PYY: variants seen among roughly 807,000 people sequenced by gnomAD.
PYY encodes peptide YY.
PYY carries 12 observed loss-of-function variants against 10.3 expected under a neutral mutation model. The observed-to-expected ratio is 1.17, with a 90% CI of 0.75 to 1.89. The LOEUF is 1.89. Ranked by LOEUF, PYY falls within the 40% of genes most tolerant of loss-of-function variation. The pLI, the probability that PYY is intolerant of heterozygous loss-of-function variation, is 0.00. For missense variants in PYY, 141 were observed against 134.0 expected (o/e 1.05, Z -0.26); for synonymous variants, 66 against 62.0 (o/e 1.06, Z -0.30).
chr17:43,962,872 T>G (rs998848866), intron 2 of PYY, among the ~76,000 whole-genome samples: 10 of 152,170 alleles, frequency 6.6e-5, no homozygotes, highest in African/African-American at 2.4e-4. Context: ...GAGAAGTTCT[T>G]GTCCCCTGAG....
At chr17:43,975,040 G>A (rs181287489) in intron 1 of PYY, among the ~76,000 whole-genome samples, 14 of 152,172 alleles carry the variant, frequency 9.2e-5, no homozygotes, top group East Asian at 3.9e-4. Flanking sequence ...TCTTCCAGCC[G>A]TTGAGCCATT....
chr17:43,985,538 C>T (rs2048910802), intron 1 of PYY, among the ~76,000 whole-genome samples: 1 of 152,206 alleles, frequency 6.6e-6, no homozygotes, highest in Admixed American at 6.5e-5. Flanking sequence ...GGCAAGTTCC[C>T]TCACAACACA....
At chr17:43,990,140 T>C (rs1008927740) in intron 1 of PYY, among the ~76,000 whole-genome samples, 1 of 151,294 alleles carries the variant, frequency 6.6e-6, no homozygotes, top group Non-Finnish European at 1.5e-5. Context: ...CACAACTCTT[T>C]GAAAAGCAGC....
At chr17:43,992,815 T>C (rs1453195410) in intron 1 of PYY, among the ~76,000 whole-genome samples, 3 of 152,096 alleles carry the variant, frequency 2.0e-5, no homozygotes, top group African/African-American at 7.2e-5. Flanking sequence ...GATGGCCATG[T>C]GACCACAGAA....
chr17:43,961,220 C>T (rs1364932177), intron 2 of PYY, among the ~76,000 whole-genome samples: 1 of 150,238 alleles, frequency 6.7e-6, no homozygotes, highest in African/African-American at 2.5e-5. Flanking sequence ...AGCAAAACCC[C>T]ATCTCAAAAA....
At chr17:43,965,109 G>A (rs2048745161) in intron 2 of PYY, among the ~76,000 whole-genome samples, 1 of 152,036 alleles carries the variant, frequency 6.6e-6, no homozygotes, top group South Asian at 2.1e-4. Context: ...TTAGCATCCA[G>A]ACTAGTCTTT....
chr17:43,955,349 C>T (rs1388131908), upstream of PYY, among the ~76,000 whole-genome samples: 1 of 152,252 alleles, frequency 6.6e-6, no homozygotes, highest in African/African-American at 2.4e-5. Flanking sequence ...CTGAGCCAGC[C>T]CCTCCAGCCC....
At chr17:43,980,573 C>T (rs999251223) in intron 1 of PYY, among the ~76,000 whole-genome samples, 1 of 151,814 alleles carries the variant, frequency 6.6e-6, no homozygotes, top group African/African-American at 2.4e-5. Context: ...CTCCTGCGTT[C>T]AAGCAATTCT....
chr17:43,981,713 C>T (rs552201049), intron 1 of PYY, among the ~76,000 whole-genome samples: 1 of 152,260 alleles, frequency 6.6e-6, no homozygotes, highest in African/African-American at 2.4e-5. Context: ...TGGTCTCGAA[C>T]TCCTGACCTC....
intron 2 of PYY, among the ~76,000 whole-genome samples, chr17:43,962,029 A>C (rs552548433): frequency 6.6e-6 from 1 of 152,300 alleles, no homozygotes; most frequent in Admixed American, 6.5e-5. Flanking sequence ...GTCTTAGGAA[A>C]GAGACCATAA....
rs574457942 is a variant in PYY at position 43,976,604 on chromosome 17, T to G, written c.-462-10072A>C. Reference sequence around the variant, plus strand: ...CTGGCCAACATGGTGAAACCCCATCTCTACTAAAAATACAAAAATTAGCTG... The same window carrying G: ...CTGGCCAACATGGTGAAACCCCATCGCTACTAAAAATACAAAAATTAGCTG... On this transcript the variant is annotated intron_variant, in intron 1 of 6. Transcript: ENST00000360085. Among the ~76,000 whole-genome samples the G allele has an allele frequency of 8.5e-5, 13 of 152,102 alleles. No individual in the cohort carries two copies. In the South Asian group the frequency reaches 1.0e-3, roughly 12 times the overall value.
At chr17:43,998,101 G>T (rs1286052423) in intron 1 of PYY, among the ~76,000 whole-genome samples, 1 of 152,044 alleles carries the variant, frequency 6.6e-6, no homozygotes, top group Middle Eastern at 3.2e-3. Flanking sequence ...ACCACATCTG[G>T]CTAATTTTTG....
intron 1 of PYY, among the ~76,000 whole-genome samples, chr17:43,992,355 TGGATCACTTAA>T (rs2048962941): frequency 6.6e-6 from 1 of 151,834 alleles, no homozygotes; most frequent in Non-Finnish European, 1.5e-5. Context: ...CCGAGGCAGA[TGGATCACTTAA>T]GGTCAGGAGC....
At chr17:43,953,221 A>T (rs538987586) in intron 2 of PYY, 32 bp from the exon 3 acceptor site, 1 of 1,609,878 alleles carries the variant, frequency 6.2e-7, no homozygotes, top group South Asian at 1.1e-5. Flanking sequence ...GCGTGGTCAG[A>T]TCTGGCCACG....
intron 1 of PYY, among the ~76,000 whole-genome samples, chr17:43,998,220 T>C (rs945759077): frequency 6.7e-6 from 1 of 149,798 alleles, no homozygotes; most frequent in Admixed American, 6.8e-5. Flanking sequence ...ATTACAGGCA[T>C]GAGGCACCAT....
intron 1 of PYY, among the ~76,000 whole-genome samples, chr17:44,002,249 G>A (rs1316021478): frequency 3.3e-5 from 5 of 152,176 alleles, no homozygotes; most frequent in Admixed American, 3.3e-4. Flanking sequence ...TCCCAGAAAC[G>A]GGTAAGCGCA....
At chr17:43,983,051 G>A (rs1040349180) in intron 1 of PYY, among the ~76,000 whole-genome samples, 9 of 152,054 alleles carry the variant, frequency 5.9e-5, no homozygotes, top group African/African-American at 2.2e-4. Context: ...GGCCAACATG[G>A]TGAAACCCCG....
chr17:44,003,511 C>T lies in PYY; in HGVS notation c.-463+880G>A, dbSNP rs1270125865. On this transcript the variant is annotated intron_variant, in intron 1 of 6. Transcript: ENST00000360085. Reference sequence around the variant, plus strand: ...CTCTACTAAAAATACAAAGATTAGCCGGGTGTGATGGTGTCTGCCTGTAAT... The same window carrying T: ...CTCTACTAAAAATACAAAGATTAGCTGGGTGTGATGGTGTCTGCCTGTAAT... Among the ~76,000 whole-genome samples the T allele has an allele frequency of 4.6e-5, 7 of 151,642 alleles. No homozygotes were observed. The East Asian group carries it at 5.9e-4, about 13-fold the overall frequency.
At chr17:43,980,484 GT>G (rs201467595) in intron 1 of PYY, among the ~76,000 whole-genome samples, 1 of 146,522 alleles carries the variant, frequency 6.8e-6, no homozygotes, top group Non-Finnish European at 1.5e-5. Flanking sequence ...GTTTTGTTTT[GT>G]TTTTTTTGAG....
Sources: gnomAD v4.1 joint callset for allele counts (sites outside exome capture counted in the v4.1 genomes callset) on GRCh38, gnomAD v4.1.1 for gene constraint, MANE v1.5 for transcripts, NCBI Gene and HGNC (gene_info 2026-07-23, HGNC 2026-07-21) for gene names.